ATP2A3: variants seen among roughly 807,000 people sequenced by gnomAD.
ATP2A3 encodes the protein sarcoplasmic/endoplasmic reticulum calcium ATPase 3.
ATP2A3 carries 61 observed loss-of-function variants against 106.8 expected under a neutral mutation model. The observed-to-expected ratio is 0.57, with a 90% CI of 0.46 to 0.71. The LOEUF (loss-of-function observed/expected upper bound fraction) is 0.71. Ranked by LOEUF, ATP2A3 falls within the 30% of genes least tolerant of loss-of-function variation. The pLI is 0.00. For synonymous variants in ATP2A3, 611 were observed against 609.3 expected (o/e 1.00, Z -0.04); for missense variants, 1,201 against 1,423.5 (o/e 0.84, Z 2.52).
At chr17:3,940,719 G>A (rs961354024) in intron 14 of ATP2A3, among the ~76,000 whole-genome samples, 7 of 152,066 alleles carry the variant, frequency 4.6e-5, no homozygotes, top group Admixed American at 6.6e-5. Context: ...TATTGGCTAG[G>A]CTTGTCTCGA....
Position 3,941,066 on chromosome 17 carries a change from C to T in ATP2A3, c.2005G>A (p.Ala669Thr), listed in dbSNP as rs761700292. ...GCGAAGCAGCGGGCGGTGCGGCAGG[C>T]CTGGCGCTGCTGCTCGGGGCTGAGG... The part of the protein sequence containing the change: ...DDLSPEQQRQ[A>T]CRTARCFARV... The change falls in exon 14 of 21, where the codon GCC becomes ACC. Residue 669 changes from alanine to threonine, a missense_variant. By Grantham distance (58) the Ala-to-Thr change is moderately conservative. Transcript: ENST00000397041. The T allele has an allele frequency of 2.3e-5, 37 of 1,613,460 alleles. 1 individual carries two copies. In the Admixed American group the frequency reaches 6.0e-4, roughly 26 times the overall value.
At chr17:3,951,558 G>GCCCCCCCCCCGCC in intron 4 of ATP2A3, 23 bp downstream of exon 4, 1 of 716,228 alleles carries the variant, frequency 1.4e-6, no homozygotes, top group Non-Finnish European at 2.1e-6. Context: ...CCCCCGCCCG[G>GCCCCCCCCCCGCC]TCCCACCCCC....
chr17:3,936,773 G>A lies in ATP2A3; in HGVS notation c.2322-304C>T, dbSNP rs868447030. On this transcript the variant is annotated intron_variant, in intron 15 of 20. Transcript: ENST00000397041. This position sits in a 1 kb window ranked among gnomAD's most constrained non-coding sequence, Gnocchi z 5.4. Reference sequence around the variant, plus strand: ...ACACACACGCACACGAAGAGGGCATGCCCAAGAATCAGACATGTGCAAAAA... The same window carrying A: ...ACACACACGCACACGAAGAGGGCATACCCAAGAATCAGACATGTGCAAAAA... 119 of 448,490 alleles carry A rather than the reference G, an allele frequency of 2.7e-4. 1 individual carries two copies. The highest frequency in any genetic ancestry group is 2.0e-3 in the African/African-American group (102 of 50,140). The allele number at this position is 448,490 out of a possible 1,614,324, so 27.8% of individuals were successfully genotyped here.
At chr17:3,952,250 A>T (rs2054490434) in intron 3 of ATP2A3, among the ~76,000 whole-genome samples, 1 of 152,024 alleles carries the variant, frequency 6.6e-6, no homozygotes, top group South Asian at 2.1e-4. Context: ...ACGCCTGGCT[A>T]ATTTTTCGTA....
In ATP2A3 at chr17:3,924,652, C is replaced by A; in HGVS notation, c.*770G>T. 1 of 366,032 alleles carries A rather than the reference C, an allele frequency of 2.7e-6. No individual in the cohort carries two copies. The highest frequency in any genetic ancestry group is 2.8e-5 in the Admixed American group (1 of 36,118). The allele number at this position is 366,032 out of a possible 1,614,324, so 22.7% of individuals were successfully genotyped here. ...TGTGACTCTGAACATCTCCCGAGCT[C>A]AGGACGGGGAACCCTGAGTCCAGGA... On this transcript the variant is annotated 3_prime_UTR_variant, in exon 21 of 21. Transcript: ENST00000397041. The surrounding 1 kb of genome is among the most constrained non-coding windows in gnomAD (Gnocchi z 6.4).
At chr17:3,963,500 T>C (rs1322346147) in intron 1 of ATP2A3, among the ~76,000 whole-genome samples, 5 of 152,212 alleles carry the variant, frequency 3.3e-5, no homozygotes, top group Non-Finnish European at 1.5e-5. Context: ...GATGAAATGA[T>C]AGTGAAGCCT....
intron 1 of ATP2A3, among the ~76,000 whole-genome samples, chr17:3,954,621 T>C (rs2003552): frequency 0.5 from 75,204 of 151,382 alleles, 19,728 homozygotes; most frequent in African/African-American, 0.66. Context: ...CTTAGCCTCC[T>C]GAGTAGCTGG....
intron 17 of ATP2A3, among the ~76,000 whole-genome samples, chr17:3,932,555 G>A (rs11650650): frequency 0.2 from 30,118 of 152,088 alleles, 3,684 homozygotes; most frequent in Non-Finnish European, 0.27. Context: ...TTGTCCCACC[G>A]CAGCCTCCCA....
rs763605936 is a variant in ATP2A3 at position 3,925,465 on chromosome 17, G to A, written c.2981-24C>T. 35 of 1,609,284 alleles carry A rather than the reference G, an allele frequency of 2.2e-5. No homozygotes were observed. Among genetic ancestry groups the A allele is most frequent in the Non-Finnish European group, 2.8e-5 (33 of 1,178,280 alleles). On this transcript the variant is annotated intron_variant, in intron 20 of 20. Coordinates refer to ENST00000397041, the MANE Select transcript of ATP2A3 (RefSeq NM_005173.4). This position sits in a 1 kb window ranked among gnomAD's most constrained non-coding sequence, Gnocchi z 4.2. Reference sequence around the variant, plus strand: ...TTCTGGAAGAAAAACCCAAGAGCGCGTTAAGATGTATGTGTAAGGGCACAC... The same window carrying A: ...TTCTGGAAGAAAAACCCAAGAGCGCATTAAGATGTATGTGTAAGGGCACAC...
rs984193442 is a variant in ATP2A3 at position 3,947,206 on chromosome 17, T to C, written c.1095+185A>G. 5.3e-5 allele frequency among the ~76,000 whole-genome samples: 8 copies of C among 152,226 alleles called. No homozygotes were observed. The highest frequency in any genetic ancestry group is 1.0e-4 in the Non-Finnish European group (7 of 68,038). ...CACACAGGCCTCAGTGACATGTGGC[T>C]ACCCAGGCATGATTTGCTATAGTCT... On this transcript the variant is annotated intron_variant, in intron 8 of 20. Coordinates refer to ENST00000397041, the MANE Select transcript of ATP2A3 (RefSeq NM_005173.4). This position sits in a 1 kb window ranked among gnomAD's most constrained non-coding sequence, Gnocchi z 7.7.
intron 17 of ATP2A3, 94 bp downstream of exon 17, chr17:3,935,098 G>A (rs2053355124): frequency 1.5e-6 from 2 of 1,309,160 alleles, no homozygotes; most frequent in East Asian, 4.7e-5. Context: ...GAAGGACACT[G>A]CAGGCCACCC....
intron 8 of ATP2A3, 33 bp from the exon 9 acceptor site, chr17:3,945,181 G>A (rs939785871): frequency 1.3e-6 from 2 of 1,534,204 alleles, no homozygotes; most frequent in African/African-American, 1.4e-5. Flanking sequence ...TAGGCGGGCG[G>A]GGTCGCCTCC....
In ATP2A3 at chr17:3,951,665, C is replaced by T. The variant is rs1355606878; in HGVS notation, c.240G>A (p.Glu80=). ...LVSFVLAWFE[E]GEETTTAFVE... ...CGAAGGCGGTCGTGGTCTCCTCGCC[C>T]TCCTCGAACCAGGCCAGGACCTGCA... The change falls in exon 4 of 21, where the codon GAG becomes GAA. Residue 80 remains glutamate, a synonymous_variant. Transcript: ENST00000397041. 6.2e-7 allele frequency: 1 copy of T among 1,610,574 alleles called. No homozygotes were observed. The highest frequency in any genetic ancestry group is 8.5e-7 in the Non-Finnish European group (1 of 1,179,006).
Position 3,953,211 on chromosome 17 carries a change from G to C in ATP2A3, c.219+136C>G, listed in dbSNP as rs369050519. The C allele has an allele frequency of 1.4e-5, 14 of 1,000,968 alleles. No individual in the cohort carries two copies. In the African/African-American group the frequency reaches 2.2e-4, roughly 16 times the overall value. 62.0% of individuals were successfully genotyped at this position (1,000,968 alleles called of 1,614,324 possible). ...GGGAAGCTGAAGTCTGAGCAGGGCA[G>C]GGCCAGGGAAGGCCAGGGCGCAGGC... On this transcript the variant is annotated intron_variant, in intron 3 of 20. Transcript: ENST00000397041. This position sits in a 1 kb window ranked among gnomAD's most constrained non-coding sequence, Gnocchi z 5.1.
intron 11 of ATP2A3, 54 bp downstream of exon 11, chr17:3,943,337 G>A: frequency 6.2e-7 from 1 of 1,605,732 alleles, no homozygotes; most frequent in Non-Finnish European, 8.5e-7. Flanking sequence ...TTCTCCAGAT[G>A]TCCCAGAAGC....
chr17:3,934,522 C>CTAT, intron 17 of ATP2A3, among the ~76,000 whole-genome samples: 1 of 123,394 alleles, frequency 8.1e-6, no homozygotes, highest in Middle Eastern at 4.5e-3. Flanking sequence ...CCCCTCGATT[C>CTAT]TTTTTTTTTT....
At position 3,930,185 on chromosome 17, in the gene ATP2A3, C is replaced by A; in HGVS notation, c.2744+116G>T. 1 of 1,151,948 alleles carries A rather than the reference C, an allele frequency of 8.7e-7. No homozygotes were observed. The highest frequency in any genetic ancestry group is 1.1e-6 in the Non-Finnish European group (1 of 873,354). 71.4% of individuals were successfully genotyped at this position (1,151,948 alleles called of 1,614,324 possible). ...CTCAGCCCCCACTCCTCGGCCCCAGCTCCAGGCCCTGCGCCCAGCCCACCT... is the reference window on the plus strand; with the variant it reads ...CTCAGCCCCCACTCCTCGGCCCCAGATCCAGGCCCTGCGCCCAGCCCACCT... On this transcript the variant is annotated intron_variant, in intron 18 of 20. Coordinates refer to ENST00000397041, the MANE Select transcript of ATP2A3 (RefSeq NM_005173.4). The surrounding 1 kb of genome is among the most constrained non-coding windows in gnomAD (Gnocchi z 5.4).
Position 3,925,133 on chromosome 17 carries a change from G to A in ATP2A3, c.*289C>T, listed in dbSNP as rs374725575. 4.2e-4 allele frequency: 244 copies of A among 582,686 alleles called. 1 individual carries two copies. The highest frequency in any genetic ancestry group is 1.5e-3 in the East Asian group (51 of 34,762). 36.1% of individuals were successfully genotyped at this position (582,686 alleles called of 1,614,324 possible). ...GGTATGCTGCCAGCTCCGGCTTCTT[G>A]GCTGCCCCCTCCCAGCCTGCAGCTC... On this transcript the variant is annotated 3_prime_UTR_variant, in exon 21 of 21. Coordinates refer to ENST00000397041, the MANE Select transcript of ATP2A3 (RefSeq NM_005173.4). This position sits in a 1 kb window ranked among gnomAD's most constrained non-coding sequence, Gnocchi z 4.2.
intron 1 of ATP2A3, among the ~76,000 whole-genome samples, chr17:3,954,148 C>T (rs940429135): frequency 2.6e-5 from 4 of 152,140 alleles, no homozygotes; most frequent in Admixed American, 6.5e-5. Flanking sequence ...GTCTCTGCCA[C>T]CCCCACAGCA....
Sources: gnomAD v4.1 joint callset for allele counts (sites outside exome capture counted in the v4.1 genomes callset) on GRCh38, gnomAD v4.1.1 for gene constraint, Gnocchi (gnomAD v3.1) non-coding constraint, MANE v1.5 for transcripts, NCBI Gene and HGNC (gene_info 2026-07-23, HGNC 2026-07-21) for gene names.